Variants in GNA14 observed in about 807,000 individuals in gnomAD.
GNA14 encodes guanine nucleotide-binding protein subunit alpha-14.
A neutral mutation model predicts 42.0 loss-of-function variants in GNA14; 50 were observed. That is an observed-to-expected ratio of 1.19 (90% CI 0.95 to 1.51). The LOEUF is 1.51. Among genes scored for constraint, GNA14 ranks in the 40% most tolerant of loss-of-function variants. The probability of loss-of-function intolerance (pLI) is 0.00; values close to 1 mark genes in which losing one functional copy is unlikely to be tolerated. For missense variants in GNA14, 473 were observed against 446.2 expected (o/e 1.06, Z -0.54); for synonymous variants, 173 against 163.1 (o/e 1.06, Z -0.46).
chr9:77,534,702 G>A (rs988405339), intron 1 of GNA14, among the ~76,000 whole-genome samples: 2 of 152,174 alleles, frequency 1.3e-5, no homozygotes, highest in South Asian at 2.1e-4. Context: ...CCCAACAGGC[G>A]GAAGACAGAC....
chr9:77,623,756 A>G (rs1463689105), intron 1 of GNA14, among the ~76,000 whole-genome samples: 1 of 152,162 alleles, frequency 6.6e-6, no homozygotes, highest in Non-Finnish European at 1.5e-5. Flanking sequence ...CACTTTTCCG[A>G]CGGTCTTCGG....
chr9:77,596,100 CATAAAA>C (rs1216657808), intron 1 of GNA14, among the ~76,000 whole-genome samples: 1 of 152,032 alleles, frequency 6.6e-6, no homozygotes, highest in Admixed American at 6.6e-5. Flanking sequence ...TGCTTCTGAA[CATAAAA>C]ATAAAGGCCA....
At position 77,460,561 on chromosome 9, in the gene GNA14, A is replaced by G. The variant is rs675032; in HGVS notation, c.310-26039T>C. ...CAAAACTCTGGACAGACGGGGACCA[A>G]TGACTGAGCCTTGGCTGGGAGGGCG... On this transcript the variant is annotated intron_variant, in intron 2 of 6. Coordinates refer to ENST00000341700, the MANE Select transcript of GNA14 (RefSeq NM_004297.4). 3.8e-3 allele frequency among the ~76,000 whole-genome samples: 586 copies of G among 152,342 alleles called. 6 individuals carry two copies. Among genetic ancestry groups the G allele is most frequent in the South Asian group, 7.5e-3 (36 of 4,832 alleles).
intron 2 of GNA14, among the ~76,000 whole-genome samples, chr9:77,448,738 A>G (rs1835862802): frequency 6.6e-6 from 1 of 152,200 alleles, no homozygotes; most frequent in African/African-American, 2.4e-5. Flanking sequence ...GCATTATTCG[A>G]GGTAGACGTA....
At chr9:77,573,774 T>C (rs1587834841) in intron 1 of GNA14, among the ~76,000 whole-genome samples, 1 of 152,172 alleles carries the variant, frequency 6.6e-6, no homozygotes, top group East Asian at 1.9e-4. Flanking sequence ...CCTTTGTTTT[T>C]ATAACTTCTG....
intron 1 of GNA14, among the ~76,000 whole-genome samples, chr9:77,625,893 C>G (rs1395058914): frequency 6.6e-6 from 1 of 152,064 alleles, no homozygotes; most frequent in East Asian, 1.9e-4. Flanking sequence ...CAATATTAAC[C>G]TTAAATGTAA....
intron 1 of GNA14, among the ~76,000 whole-genome samples, chr9:77,612,681 G>A (rs7870839): frequency 0.18 from 27,862 of 151,292 alleles, 5,230 homozygotes; most frequent in African/African-American, 0.49. Flanking sequence ...AAAAAAAGAT[G>A]ACAAGTATTG....
chr9:77,615,749 ACACG>A (rs1823802824), intron 1 of GNA14, among the ~76,000 whole-genome samples: 1 of 144,528 alleles, frequency 6.9e-6, no homozygotes, highest in South Asian at 2.2e-4. Context: ...ACACACACAC[ACACG>A]TTTAAATAAT....
chr9:77,648,093 T>G lies in GNA14; in HGVS notation c.-300A>C. 2.3e-6 allele frequency: 1 copy of G among 429,454 alleles called. No individual in the cohort carries two copies. Among genetic ancestry groups the G allele is most frequent in the Non-Finnish European group, 4.1e-6 (1 of 241,558 alleles). 26.6% of individuals were successfully genotyped at this position (429,454 alleles called of 1,614,324 possible). On this transcript the variant is annotated 5_prime_UTR_variant, in exon 1 of 7. Coordinates refer to ENST00000341700, the MANE Select transcript of GNA14 (RefSeq NM_004297.4). ...AGGGCGAGTCGAGAAGTTGGGAGCG[T>G]TGCTGGCCCCGGGAAGATGCGCGCG...
At chr9:77,611,602 G>T (rs1485546369) in intron 1 of GNA14, among the ~76,000 whole-genome samples, 1 of 152,166 alleles carries the variant, frequency 6.6e-6, no homozygotes, top group Non-Finnish European at 1.5e-5. Flanking sequence ...AGCCATGAAG[G>T]TGGAAAGCAG....
At chr9:77,447,348 C>T (rs1025980827) in intron 2 of GNA14, among the ~76,000 whole-genome samples, 1 of 152,232 alleles carries the variant, frequency 6.6e-6, no homozygotes, top group African/African-American at 2.4e-5. Context: ...CAGACCCAAA[C>T]TACAGTACTG....
rs1835414422 is a variant in GNA14 at position 77,424,034 on chromosome 9, G to C, written c.1013C>G (p.Ala338Gly). The change falls in exon 7 of 7, where the codon GCT (alanine) becomes GGT (glycine). Residue 338 changes from alanine (A) to glycine (G), a missense_variant. Transcript: ENST00000341700. ...CTGTAGAATTGTGTCTTTGACAGCA[G>C]CAAACACAAAGCGAATATTGTCTGT... Reference protein sequence around the residue: ...TDTDNIRFVFAAVKDTILQLN... With the variant: ...TDTDNIRFVFGAVKDTILQLN... 1 of 1,610,536 alleles carries C rather than the reference G, an allele frequency of 6.2e-7. No individual in the cohort carries two copies.
intron 1 of GNA14, among the ~76,000 whole-genome samples, chr9:77,536,852 G>T (rs1486443915): frequency 1.3e-5 from 2 of 152,240 alleles, no homozygotes; most frequent in East Asian, 3.9e-4. Context: ...TTTAATCACA[G>T]AGAATTTTTG....
chr9:77,618,492 T>C (rs1041081589), intron 1 of GNA14, among the ~76,000 whole-genome samples: 3 of 149,286 alleles, frequency 2.0e-5, no homozygotes, highest in African/African-American at 7.4e-5. Flanking sequence ...CGTGGAGCCA[T>C]TGTGTACTTA....
chr9:77,513,152 G>A (rs1022755689), intron 2 of GNA14, among the ~76,000 whole-genome samples: 3 of 152,246 alleles, frequency 2.0e-5, no homozygotes, highest in Admixed American at 2.0e-4. Context: ...GCCAGGAATA[G>A]AGAATCCAAG....
In GNA14 at chr9:77,633,792, T is replaced by G. The variant is rs1356359304; in HGVS notation, c.124+13878A>C. ...ACCTGGATTCAAACCCTGGCCCCAC[T>G]CTGGCCAGTCAATCTTGCCATAGGA... On this transcript the variant is annotated intron_variant, in intron 1 of 6. Coordinates refer to ENST00000341700, the MANE Select transcript of GNA14 (RefSeq NM_004297.4). Among the ~76,000 whole-genome samples, 4 of 152,314 alleles carry G rather than the reference T, an allele frequency of 2.6e-5. No homozygotes were observed. In the East Asian group the frequency reaches 7.7e-4, roughly 29 times the overall value.
intron 1 of GNA14, among the ~76,000 whole-genome samples, chr9:77,551,606 C>A (rs530720039): frequency 9.2e-5 from 14 of 151,966 alleles, no homozygotes; most frequent in African/African-American, 3.4e-4. Flanking sequence ...GGACCCTTCC[C>A]TGCTCCTAAA....
intron 2 of GNA14, among the ~76,000 whole-genome samples, chr9:77,491,374 T>C (rs1291889145): frequency 1.3e-5 from 2 of 152,288 alleles, no homozygotes; most frequent in Middle Eastern, 3.4e-3. Context: ...AGTGGCTTAA[T>C]GGATAAAGAA....
intron 2 of GNA14, among the ~76,000 whole-genome samples, chr9:77,469,055 G>A (rs1464756832): frequency 6.6e-6 from 1 of 152,108 alleles, no homozygotes; most frequent in Non-Finnish European, 1.5e-5. Flanking sequence ...TCCACAAGGT[G>A]CTGCATGATT....
Sources: allele counts gnomAD v4.1 joint callset (sites outside exome capture counted in the v4.1 genomes callset), GRCh38; gene constraint gnomAD v4.1.1; transcripts MANE v1.5; gene names NCBI Gene and HGNC (gene_info 2026-07-23, HGNC 2026-07-21).